The following FAM234A variants were observed in gnomAD, a reference collection of about 807,000 sequenced individuals.
FAM234A encodes the protein protein FAM234A.
FAM234A carries 42 observed loss-of-function variants against 49.1 expected under a neutral mutation model. The ratio of observed to expected loss-of-function variants is 0.86; its 90% CI spans 0.67 to 1.11. The LOEUF (loss-of-function observed/expected upper bound fraction) is 1.11. FAM234A is among the 50% of genes least tolerant of loss of function. FAM234A has a pLI of 0.00. For missense variants in FAM234A, 815 were observed against 745.2 expected, an observed-to-expected ratio of 1.09 and a Z score of -1.09; for synonymous variants, 369 against 316.2, an observed-to-expected ratio of 1.17 and a Z score of -1.77.
chr16:264,657 C>T lies in FAM234A; in HGVS notation c.1388C>T (p.Thr463Ile). ...CACAGCCTGTACATGTTCCACCCCA[C>T]CCTGCCGCGCGTGCTGCTGGAGCTG... ...ARHSLYMFHP[T>I]LPRVLLELAN... The change falls in exon 12 of 13, where the codon ACC becomes ATC. Residue 463 changes from threonine (T) to isoleucine (I), a missense_variant. Physicochemically the swap from Thr to Ile is moderately conservative, Grantham distance 89 (BLOSUM62 -1). Transcript: ENST00000399932. 1.2e-6 allele frequency: 2 copies of T among 1,612,014 alleles called. No individual in the cohort carries two copies. The highest frequency in any genetic ancestry group is 1.7e-6 in the Non-Finnish European group (2 of 1,179,950).
intron 1 of FAM234A, among the ~76,000 whole-genome samples, chr16:240,875 A>G (rs2050589187): frequency 6.6e-6 from 1 of 152,178 alleles, no homozygotes; most frequent in Non-Finnish European, 1.5e-5. Context: ...AGATAGTAAC[A>G]TTAATCTATA....
chr16:261,540 CAA>C, intron 6 of FAM234A, 26 bp downstream of exon 6: 1 of 1,559,658 alleles, frequency 6.4e-7, no homozygotes, highest in Non-Finnish European at 8.7e-7. Flanking sequence ...GCTCTGCTCC[CAA>C]GTCACGAGGC....
At chr16:246,459 G>A (rs111795620) in intron 1 of FAM234A, among the ~76,000 whole-genome samples, 4,028 of 118,394 alleles carry the variant, frequency 0.034, 256 homozygotes, top group African/African-American at 0.13. Flanking sequence ...TTGCTCTGTC[G>A]CCCAGGCTGG....
intron 3 of FAM234A, among the ~76,000 whole-genome samples, chr16:256,529 T>C (rs867115634): frequency 7.9e-5 from 12 of 152,098 alleles, no homozygotes; most frequent in African/African-American, 2.9e-4. Flanking sequence ...TTGCAGTCTT[T>C]TGCCCATTTT....
At chr16:257,368 C>G (rs985251366) in intron 3 of FAM234A, among the ~76,000 whole-genome samples, 2 of 151,144 alleles carry the variant, frequency 1.3e-5, no homozygotes, top group Non-Finnish European at 2.9e-5. Flanking sequence ...GCCTCAGCCT[C>G]CCAAGTAGCT....
intron 1 of FAM234A, among the ~76,000 whole-genome samples, chr16:241,588 CA>C (rs201202017): frequency 1.9e-3 from 257 of 138,514 alleles, no homozygotes; most frequent in Non-Finnish European, 2.1e-3. Flanking sequence ...GACCCTGTGT[CA>C]AAAAAAAAAA....
Position 265,065 on chromosome 16 carries a change from C to A in FAM234A, c.*43C>A. 6.4e-7 allele frequency: 1 copy of A among 1,551,124 alleles called. No individual in the cohort carries two copies. The highest frequency in any genetic ancestry group is 8.7e-7 in the Non-Finnish European group (1 of 1,146,912). On this transcript the variant is annotated 3_prime_UTR_variant, in exon 13 of 13. Coordinates refer to ENST00000399932, the MANE Select transcript of FAM234A (RefSeq NM_032039.4). ...CCTGTGGAGAGACTCCGCCTGCTGA[C>A]ACTAAACGTCCTGGGAAGTGGGCCC...
intron 3 of FAM234A, among the ~76,000 whole-genome samples, chr16:255,043 A>G (rs1422694343): frequency 6.6e-6 from 1 of 151,298 alleles, no homozygotes; most frequent in African/African-American, 2.4e-5. Context: ...TTTAGTAGAG[A>G]CCGGGTTTCA....
chr16:251,227 A>C (rs912432222), intron 2 of FAM234A, among the ~76,000 whole-genome samples: 5 of 152,158 alleles, frequency 3.3e-5, no homozygotes, highest in Non-Finnish European at 5.9e-5. Flanking sequence ...AAGTGTTGGG[A>C]TCACAGGCGT....
chr16:264,097 A>T lies in FAM234A; in HGVS notation c.1270A>T (p.Ser424Cys). ...PSLPGGPLSA[S>C]LPTADHRSAF... ...CCTCCCTGGGGGTCCACTGTCCGCC[A>T]GCCTGCCGACCGCAGACCACCGCTC... The change falls in exon 11 of 13, where the codon AGC (serine) becomes TGC (cysteine). Residue 424 changes from serine (S) to cysteine (C), a missense_variant. Coordinates refer to ENST00000399932, the MANE Select transcript of FAM234A (RefSeq NM_032039.4). 6.2e-7 allele frequency: 1 copy of T among 1,612,318 alleles called. No individual in the cohort carries two copies. The highest frequency in any genetic ancestry group is 8.5e-7 in the Non-Finnish European group (1 of 1,179,910).
Position 251,182 on chromosome 16 carries a change from G to T in FAM234A, c.-34+1528G>T, listed in dbSNP as rs146199995. Reference sequence around the variant, plus strand: ...CATATTGGCCAGGCTGGTCTCGAACGCCTGACCTCGTAATCCTCCCGCCTT... The same window carrying T: ...CATATTGGCCAGGCTGGTCTCGAACTCCTGACCTCGTAATCCTCCCGCCTT... On this transcript the variant is annotated intron_variant, in intron 2 of 12. Coordinates refer to ENST00000399932, the MANE Select transcript of FAM234A (RefSeq NM_032039.4). 2.6e-5 allele frequency among the ~76,000 whole-genome samples: 4 copies of T among 151,884 alleles called. No homozygotes were observed. The East Asian group carries it at 5.8e-4, about 22-fold the overall frequency.
chr16:264,027 G>A lies in FAM234A; in HGVS notation c.1200G>A (p.Leu400=), dbSNP rs1242185955. The A allele has an allele frequency of 1.2e-6, 2 of 1,612,700 alleles. No individual in the cohort carries two copies. The highest frequency in any genetic ancestry group is 1.3e-5 in the African/African-American group (1 of 74,888). ...GTGTDRQILF[L]DLGTGAVLCS... is the part of the protein sequence containing the mutation. ...CCCTCCCTCCCCAGATCCTGTTTCT[G>A]GACCTTGGCACTGGAGCCGTCCTGT... Residue 400 remains leucine (L), a synonymous_variant, in exon 11 of 13, where the codon CTG becomes CTA. Coordinates refer to ENST00000399932, the MANE Select transcript of FAM234A (RefSeq NM_032039.4).
intron 1 of FAM234A, among the ~76,000 whole-genome samples, chr16:242,833 C>T (rs558730383): frequency 6.6e-6 from 1 of 151,910 alleles, no homozygotes; most frequent in Non-Finnish European, 1.5e-5. Context: ...AAATTGGTCT[C>T]GAACTCCTGA....
intron 1 of FAM234A, among the ~76,000 whole-genome samples, chr16:242,779 A>G (rs2050666206): frequency 6.7e-6 from 1 of 149,944 alleles, no homozygotes; most frequent in African/African-American, 2.5e-5. Context: ...CGCCTGGTTA[A>G]TTTTTTGTAT....
At position 249,666 on chromosome 16, in the gene FAM234A, C is replaced by T. The variant is rs886276377; in HGVS notation, c.-34+12C>T. 6.6e-6 allele frequency: 1 copy of T among 152,044 alleles called. No individual in the cohort carries two copies. Among genetic ancestry groups the T allele is most frequent in the Non-Finnish European group, 1.5e-5 (1 of 68,104 alleles). The allele number at this position is 152,044 out of a possible 1,614,324, so 9.4% of individuals were successfully genotyped here. On this transcript the variant is annotated intron_variant, in intron 2 of 12. Transcript: ENST00000399932. ...ACTCCCACGACCAGGTAGGTGAGGA[C>T]TGGTGGGCCCGTGGCTGGATGGGTG...
chr16:266,549 C>A (rs2051699142), downstream of FAM234A, among the ~76,000 whole-genome samples: 1 of 152,126 alleles, frequency 6.6e-6, no homozygotes, highest in African/African-American at 2.4e-5. Flanking sequence ...GAGGGGCAGG[C>A]AGGTGCTTTA....
chr16:264,796 T>C lies in FAM234A; in HGVS notation c.1448-15T>C. ...GTCCTGAGCCGCCCTGACAGCTGTG[T>C]CCCCCACCCTGCAGCCGTCCTGTTT... is the stretch of plus-strand genomic sequence containing the variant. On this transcript the variant is annotated splice_polypyrimidine_tract_variant and intron_variant, in intron 12 of 12. Coordinates refer to ENST00000399932, the MANE Select transcript of FAM234A (RefSeq NM_032039.4). The C allele has an allele frequency of 6.2e-7, 1 of 1,607,274 alleles. No homozygotes were observed. Among genetic ancestry groups the C allele is most frequent in the Non-Finnish European group, 8.5e-7 (1 of 1,178,584 alleles).
At chr16:263,554 C>T in intron 9 of FAM234A, 146 bp from the exon 10 acceptor site, 2 of 1,307,064 alleles carry the variant, frequency 1.5e-6, no homozygotes, top group Non-Finnish European at 2.1e-6. Context: ...GTACTTGCCC[C>T]TTGCCCCAGA....
rs754703794 is a variant in FAM234A, at chr16:264,629, C to G, written c.1360C>G (p.Arg454Gly). ...CTCGCTCCAGGAGACCGGGGAGGCC[C>G]GGCACAGCCTGTACATGTTCCACCC... ...STSETETGEARHSLYMFHPTL... is the reference protein window; with the variant it reads ...STSETETGEAGHSLYMFHPTL... Residue 454 changes from arginine to glycine, a missense_variant, in exon 12 of 13, where the codon CGG becomes GGG. By Grantham distance (125) the Arg-to-Gly change is moderately radical. Transcript: ENST00000399932. 1.2e-6 allele frequency: 2 copies of G among 1,610,710 alleles called. No homozygotes were observed. The highest frequency in any genetic ancestry group is 2.7e-5 in the African/African-American group (2 of 74,920).
Sources: allele counts gnomAD v4.1 joint callset (sites outside exome capture counted in the v4.1 genomes callset), GRCh38; gene constraint gnomAD v4.1.1; transcripts MANE v1.5; gene names NCBI Gene and HGNC (gene_info 2026-07-23, HGNC 2026-07-21).